The following TRAPPC8 variants were observed in gnomAD, a reference collection of about 807,000 sequenced individuals.
The protein encoded by TRAPPC8 is trafficking protein particle complex subunit 8.
In TRAPPC8, 54 loss-of-function variants were observed where a neutral mutation model predicts 174.3. The ratio of observed to expected loss-of-function variants is 0.31; its 90% CI spans 0.25 to 0.39. The LOEUF is 0.39. Among genes scored for constraint, TRAPPC8 ranks in the 10% least tolerant of loss-of-function variants. The pLI is 1.00. For synonymous variants in TRAPPC8, 630 were observed against 579.9 expected, an observed-to-expected ratio of 1.09 and a Z score of -1.24; for missense variants, 1,531 against 1,699.1, an observed-to-expected ratio of 0.90 and a Z score of 1.74.
rs984744505 is a variant in TRAPPC8, at chr18:31,942,867, C to A, written c.-103G>T. 3 of 1,254,020 alleles carry A rather than the reference C, an allele frequency of 2.4e-6. No individual in the cohort carries two copies. In the East Asian group the frequency reaches 9.5e-5, roughly 40 times the overall value. The allele number at this position is 1,254,020 out of a possible 1,614,324, so 77.7% of individuals were successfully genotyped here. A position where few individuals can be genotyped will look rare whatever the true frequency, so the allele number is the denominator to read the frequency against. ...CCGCCGCCCGCCGGCCTGGCCCGGCCGGGCGGGGCCCCGAACGCACTGGAG... is the reference window on the plus strand; with the variant it reads ...CCGCCGCCCGCCGGCCTGGCCCGGCAGGGCGGGGCCCCGAACGCACTGGAG... On this transcript the variant is annotated 5_prime_UTR_variant, in exon 1 of 29. Coordinates refer to ENST00000283351, the MANE Select transcript of TRAPPC8 (RefSeq NM_014939.5).
intron 1 of TRAPPC8, among the ~76,000 whole-genome samples, chr18:31,933,140 A>C (rs2037925744): frequency 6.6e-6 from 1 of 151,886 alleles, no homozygotes; most frequent in African/African-American, 2.4e-5. Context: ...TCTCTACTAA[A>C]AACATAAAAA....
intron 19 of TRAPPC8, among the ~76,000 whole-genome samples, chr18:31,859,325 T>A (rs910725728): frequency 6.6e-6 from 1 of 152,038 alleles, no homozygotes; most frequent in African/African-American, 2.4e-5. Flanking sequence ...TTGGGGACAT[T>A]AGAAGCTTTA....
chr18:31,851,316 G>A (rs960981127), intron 24 of TRAPPC8, among the ~76,000 whole-genome samples: 1 of 152,112 alleles, frequency 6.6e-6, no homozygotes, highest in Admixed American at 6.5e-5. Flanking sequence ...GGGAGGTAAA[G>A]CCTGTATTTT....
intron 4 of TRAPPC8, among the ~76,000 whole-genome samples, chr18:31,914,767 T>A (rs945627458): frequency 6.6e-6 from 1 of 152,090 alleles, no homozygotes; most frequent in Non-Finnish European, 1.5e-5. Flanking sequence ...CAAAATAAGC[T>A]CCAAAGCCAT....
chr18:31,900,857 GAAAA>G lies in TRAPPC8; in HGVS notation c.1490+64_1490+67del, dbSNP rs562971718. ...CTTGATTTGGGAGTTTAGGAATGGG[GAAAA>G]AAAAAAAAAAAGAACAAACTGACCT... is the stretch of plus-strand genomic sequence containing the variant. On this transcript the variant is annotated intron_variant, in intron 10 of 28. Coordinates refer to ENST00000283351, the MANE Select transcript of TRAPPC8 (RefSeq NM_014939.5). 3.3e-4 allele frequency: 330 copies of G among 989,144 alleles called. 1 individual carries two copies. The highest frequency in any genetic ancestry group is 3.3e-3 in the South Asian group (193 of 58,642). The allele number at this position is 989,144 out of a possible 1,614,324, so 61.3% of individuals were successfully genotyped here. A position where few individuals can be genotyped will look rare whatever the true frequency, so the allele number is the denominator to read the frequency against.
At chr18:31,845,608 G>A (rs1380105570) in intron 26 of TRAPPC8, among the ~76,000 whole-genome samples, 1 of 152,082 alleles carries the variant, frequency 6.6e-6, no homozygotes, top group Non-Finnish European at 1.5e-5. Context: ...TAATACATAT[G>A]TAAATAACAA....
intron 1 of TRAPPC8, among the ~76,000 whole-genome samples, chr18:31,932,641 A>G (rs934501221): frequency 6.6e-6 from 1 of 152,092 alleles, no homozygotes; most frequent in Non-Finnish European, 1.5e-5. Context: ...ATGTGAGCAT[A>G]TTTTTTCACA....
intron 1 of TRAPPC8, among the ~76,000 whole-genome samples, chr18:31,933,669 T>TA (rs1264482682): frequency 1.3e-5 from 2 of 152,072 alleles, no homozygotes; most frequent in African/African-American, 4.8e-5. Flanking sequence ...TACCTACAAA[T>TA]AAAGAATGAC....
chr18:31,860,396 G>T (rs866959447), intron 19 of TRAPPC8, among the ~76,000 whole-genome samples: 70 of 151,910 alleles, frequency 4.6e-4, no homozygotes, highest in Admixed American at 2.0e-4. Context: ...TAGGGGGAAA[G>T]ATTTCTAATC....
At position 31,844,808 on chromosome 18, in the gene TRAPPC8, AG is replaced by A. The variant is rs1281612144; in HGVS notation, c.3837+1907del. Reference sequence around the variant, plus strand: ...CGCACAAATTACTTACTATTATGAAAGGAAAAACAGTAACTTGACTGTGAAG... The same window carrying A: ...CGCACAAATTACTTACTATTATGAAAGAAAAACAGTAACTTGACTGTGAAG... On this transcript the variant is annotated intron_variant, in intron 26 of 28. Coordinates refer to ENST00000283351, the MANE Select transcript of TRAPPC8 (RefSeq NM_014939.5). 3.9e-5 allele frequency among the ~76,000 whole-genome samples: 6 copies of A among 152,186 alleles called. No individual in the cohort carries two copies. In the East Asian group the frequency reaches 1.2e-3, roughly 29 times the overall value.
At chr18:31,865,599 T>C (rs1165564609) in intron 18 of TRAPPC8, among the ~76,000 whole-genome samples, 2 of 151,900 alleles carry the variant, frequency 1.3e-5, no homozygotes, top group Non-Finnish European at 1.5e-5. Flanking sequence ...ATTAATATTA[T>C]ACAATAACAT....
chr18:31,901,735 G>A (rs2036436520), intron 9 of TRAPPC8, among the ~76,000 whole-genome samples: 1 of 152,212 alleles, frequency 6.6e-6, no homozygotes, highest in Non-Finnish European at 1.5e-5. Flanking sequence ...ACCCCAGGGA[G>A]GTCTTCACTT....
chr18:31,925,271 T>TA (rs940394943), intron 2 of TRAPPC8, among the ~76,000 whole-genome samples: 5 of 127,560 alleles, frequency 3.9e-5, no homozygotes, highest in African/African-American at 1.1e-4. Context: ...GAAGAAAACT[T>TA]AAAAAAACAG....
rs1212397212 is a variant in TRAPPC8, at chr18:31,839,462, GAAAA to G, written c.3838-9_3838-6del. The G allele has an allele frequency of 6.6e-7, 1 of 1,523,102 alleles. No individual in the cohort carries two copies. The highest frequency in any genetic ancestry group is 2.1e-5 in the Admixed American group (1 of 46,520). The allele number at this position is 1,523,102 out of a possible 1,614,324, so 94.3% of individuals were successfully genotyped here. On this transcript the variant is annotated splice_polypyrimidine_tract_variant and splice_region_variant and intron_variant, in intron 26 of 28. Transcript: ENST00000283351. ...TAGTTCCATTTCTGGTGGCTCCTGA[GAAAA>G]GAAAGAAAAAACATATGACAATAAA...
intron 2 of TRAPPC8, among the ~76,000 whole-genome samples, chr18:31,930,072 G>A (rs2037784033): frequency 6.6e-6 from 1 of 151,718 alleles, no homozygotes; most frequent in Admixed American, 6.6e-5. Flanking sequence ...AACTAACTTG[G>A]TGACCTAACA....
intron 12 of TRAPPC8, 69 bp from the exon 13 acceptor site, chr18:31,874,773 A>G: frequency 7.6e-7 from 1 of 1,314,214 alleles, no homozygotes; most frequent in East Asian, 2.4e-5. Context: ...ACAAATACAA[A>G]CACACACATA....
chr18:31,908,999 T>G lies in TRAPPC8; in HGVS notation c.877A>C (p.Asn293His). The G allele has an allele frequency of 6.2e-7, 1 of 1,606,628 alleles. No individual in the cohort carries two copies. The highest frequency in any genetic ancestry group is 8.5e-7 in the Non-Finnish European group (1 of 1,175,786). ...LDNEVKDGLP[N>H]NFRAHPLQLE... ...TGAAGTGGGTGAGCTCTAAAGTTAT[T>G]TGGTAAGCCATCTACTGAAAAAGAG... Residue 293 changes from asparagine (N) to histidine (H), a missense_variant, in exon 7 of 29, where the codon AAT (asparagine) becomes CAT (histidine). Physicochemically the swap from Asn to His is moderately conservative, Grantham distance 68. Transcript: ENST00000283351.
chr18:31,903,457 C>T (rs1745537362), intron 9 of TRAPPC8, among the ~76,000 whole-genome samples: 1 of 152,166 alleles, frequency 6.6e-6, no homozygotes, highest in African/African-American at 2.4e-5. Context: ...ATTAGCCTAG[C>T]TTAAGATTTC....
In TRAPPC8 at chr18:31,902,432, A is replaced by C. The variant is rs190956683; in HGVS notation, c.1390-1407T>G. Among the ~76,000 whole-genome samples, 123 of 152,334 alleles carry C rather than the reference A, an allele frequency of 8.1e-4. 1 individual carries two copies. In the East Asian group the frequency reaches 0.022, roughly 28 times the overall value. On this transcript the variant is annotated intron_variant, in intron 9 of 28. Coordinates refer to ENST00000283351, the MANE Select transcript of TRAPPC8 (RefSeq NM_014939.5). ...CAAGAGGTTATTTCTGTTAAGCAGC[A>C]TCTTACCCCCAGTGTTCTCCCAGAT...
Sources: allele counts gnomAD v4.1 joint callset (sites outside exome capture counted in the v4.1 genomes callset), GRCh38; gene constraint gnomAD v4.1.1; transcripts MANE v1.5; gene names NCBI Gene and HGNC (gene_info 2026-07-23, HGNC 2026-07-21).